The following ATRN variants were observed in gnomAD, a reference collection of about 807,000 sequenced individuals.
ATRN encodes the protein attractin-2.
Under a neutral mutation model 178.7 loss-of-function variants are expected in ATRN, and 54 were observed. That is an observed-to-expected ratio of 0.30 (90% CI 0.24 to 0.38). The LOEUF (loss-of-function observed/expected upper bound fraction) is 0.38, where lower values mean the gene tolerates loss of function less well. ATRN is among the 10% of genes least tolerant of loss of function. ATRN has a pLI of 1.00. For synonymous variants in ATRN, 636 were observed against 663.0 expected, an observed-to-expected ratio of 0.96 and a Z score of 0.63; for missense variants, 1,443 against 1,815.1, an observed-to-expected ratio of 0.79 and a Z score of 3.73.
chr20:3,592,760 C>T (rs189652734), intron 19 of ATRN, among the ~76,000 whole-genome samples: 2 of 152,134 alleles, frequency 1.3e-5, no homozygotes, highest in African/African-American at 4.8e-5. Flanking sequence ...CAGTTTCCTC[C>T]TAATAATAGG....
chr20:3,575,538 A>C (rs186604609), intron 12 of ATRN, among the ~76,000 whole-genome samples: 89 of 152,274 alleles, frequency 5.8e-4, no homozygotes, highest in Admixed American at 1.9e-3. Context: ...TTGGAAAGAA[A>C]AGTATTCAAA....
At chr20:3,603,193 G>A (rs912807285) in intron 23 of ATRN, among the ~76,000 whole-genome samples, 3 of 152,078 alleles carry the variant, frequency 2.0e-5, no homozygotes, top group Non-Finnish European at 2.9e-5. Context: ...AAATACTGTG[G>A]TAGCTGGTGG....
intron 1 of ATRN, among the ~76,000 whole-genome samples, chr20:3,530,430 AT>A (rs947613232): frequency 2.7e-5 from 4 of 146,258 alleles, no homozygotes; most frequent in African/African-American, 1.0e-4. Context: ...TGCCTGGCTA[AT>A]TTTTTTTTCT....
At chr20:3,556,986 G>A (rs1489163320) in intron 6 of ATRN, among the ~76,000 whole-genome samples, 1 of 152,138 alleles carries the variant, frequency 6.6e-6, no homozygotes, top group Non-Finnish European at 1.5e-5. Context: ...TAACAGAAAT[G>A]TGGAGACCTG....
chr20:3,594,805 GT>G (rs1307584820), intron 20 of ATRN, among the ~76,000 whole-genome samples: 1 of 152,146 alleles, frequency 6.6e-6, no homozygotes, highest in African/African-American at 2.4e-5. Context: ...TCACATTTTT[GT>G]TTAAATGATA....
intron 24 of ATRN, among the ~76,000 whole-genome samples, chr20:3,621,413 G>A (rs2595585): frequency 0.16 from 24,872 of 152,062 alleles, 2,511 homozygotes; most frequent in Middle Eastern, 0.3. Context: ...CTGAGCTTCC[G>A]AGTTCAGAGT....
At chr20:3,624,425 T>A in intron 24 of ATRN, 86 bp from the exon 25 acceptor site, 1 of 1,210,120 alleles carries the variant, frequency 8.3e-7, no homozygotes, top group Non-Finnish European at 1.2e-6. Flanking sequence ...TAAGCTCTGT[T>A]TTCAGCTTAA....
At chr20:3,586,144 G>A (rs972280766) in intron 18 of ATRN, among the ~76,000 whole-genome samples, 4 of 152,168 alleles carry the variant, frequency 2.6e-5, no homozygotes, top group Admixed American at 1.3e-4. Context: ...CATGCTCAAA[G>A]CAACATTATT....
At chr20:3,644,359 A>G (rs141825571) in intron 28 of ATRN, 91 bp downstream of exon 28, 1 of 1,122,904 alleles carries the variant, frequency 8.9e-7, no homozygotes. Context: ...ACAAGGTTAT[A>G]AAGGTGATAA....
At chr20:3,639,559 T>C (rs920224341) in intron 27 of ATRN, among the ~76,000 whole-genome samples, 9 of 151,966 alleles carry the variant, frequency 5.9e-5, no homozygotes, top group Non-Finnish European at 1.3e-4. Context: ...AGCCTATTTT[T>C]CTTTATATTT....
rs2087113662 is a variant in ATRN, at chr20:3,647,114, AGT to A, written c.*270_*271del. The stretch of plus-strand genomic sequence containing the variant: ...GAGCTGATGGTTGCTGGAGGAGGCC[AGT>A]GTAGAGCCAGTGAGAGAACTAGGAA... On this transcript the variant is annotated 3_prime_UTR_variant, in exon 29 of 29. Coordinates refer to ENST00000262919, the MANE Select transcript of ATRN (RefSeq NM_139321.3). 3.2e-6 allele frequency: 1 copy of A among 315,846 alleles called. No homozygotes were observed. Among genetic ancestry groups the A allele is most frequent in the African/African-American group, 2.1e-5 (1 of 46,864 alleles). 19.6% of individuals were successfully genotyped at this position (315,846 alleles called of 1,614,324 possible). A position where few individuals can be genotyped will look rare whatever the true frequency, so the allele number is the denominator to read the frequency against.
intron 18 of ATRN, among the ~76,000 whole-genome samples, chr20:3,590,627 A>G (rs1210785501): frequency 6.6e-6 from 1 of 152,250 alleles, no homozygotes; most frequent in African/African-American, 2.4e-5. Context: ...AAATATTAGA[A>G]TATAAGGGAA....
At chr20:3,585,224 G>C (rs1036803675) in intron 18 of ATRN, among the ~76,000 whole-genome samples, 1 of 152,200 alleles carries the variant, frequency 6.6e-6, no homozygotes, top group Non-Finnish European at 1.5e-5. Flanking sequence ...TTCTCTAAGA[G>C]CCTGCCATTG....
chr20:3,585,927 A>G lies in ATRN; in HGVS notation c.3184+1047A>G, dbSNP rs758337356. On this transcript the variant is annotated intron_variant, in intron 18 of 28. Coordinates refer to ENST00000262919, the MANE Select transcript of ATRN (RefSeq NM_139321.3). The stretch of plus-strand genomic sequence containing the variant: ...ACACCCACTGAGATGGCTGTAATCA[A>G]TAAAACAGGTAATAACAAGTATTGG... Among the ~76,000 whole-genome samples the G allele has an allele frequency of 7.9e-5, 12 of 152,244 alleles. No individual in the cohort carries two copies. In the East Asian group the frequency reaches 1.2e-3, roughly 15 times the overall value.
At chr20:3,616,611 C>A (rs935634245) in intron 24 of ATRN, among the ~76,000 whole-genome samples, 1 of 152,042 alleles carries the variant, frequency 6.6e-6, no homozygotes, top group Non-Finnish European at 1.5e-5. Context: ...TGGGGAGGGC[C>A]ATTATGAAGA....
intron 1 of ATRN, among the ~76,000 whole-genome samples, chr20:3,478,820 G>T (rs1568677397): frequency 6.6e-6 from 1 of 151,112 alleles, no homozygotes; most frequent in Non-Finnish European, 1.5e-5. Flanking sequence ...TTCTGTGTTT[G>T]CTAAATTCAG....
rs1555805308 is a variant in ATRN at position 3,471,028 on chromosome 20, C to G, written c.-80C>G. 1 of 1,406,196 alleles carries G rather than the reference C, an allele frequency of 7.1e-7. No homozygotes were observed. The highest frequency in any genetic ancestry group is 3.1e-5 in the East Asian group (1 of 32,674). The allele number at this position is 1,406,196 out of a possible 1,614,324, so 87.1% of individuals were successfully genotyped here. A position where few individuals can be genotyped will look rare whatever the true frequency, so the allele number is the denominator to read the frequency against. ...CGAGCCACCGTCCGCACAGCCCCGCCCCGCACGGCCAGGCGAAGCGGAGCC... is the reference window on the plus strand; with the variant it reads ...CGAGCCACCGTCCGCACAGCCCCGCGCCGCACGGCCAGGCGAAGCGGAGCC... On this transcript the variant is annotated 5_prime_UTR_variant, in exon 1 of 29. Transcript: ENST00000262919.
At position 3,552,263 on chromosome 20, in the gene ATRN, C is replaced by T. The variant is rs541050961; in HGVS notation, c.1112+2925C>T. Among the ~76,000 whole-genome samples, 49 of 152,274 alleles carry T rather than the reference C, an allele frequency of 3.2e-4. No individual in the cohort carries two copies. In the South Asian group the frequency reaches 0.01, roughly 32 times the overall value. On this transcript the variant is annotated intron_variant, in intron 6 of 28. Transcript: ENST00000262919. Reference sequence around the variant, plus strand: ...TGGTGACCTCATATAGTATCTTGGCCTTTATACTTGGTGACTCTCAAATTT... The same window carrying T: ...TGGTGACCTCATATAGTATCTTGGCTTTTATACTTGGTGACTCTCAAATTT...
At chr20:3,478,488 C>T (rs1007788943) in intron 1 of ATRN, among the ~76,000 whole-genome samples, 1 of 152,054 alleles carries the variant, frequency 6.6e-6, no homozygotes, top group Non-Finnish European at 1.5e-5. Context: ...CATGTTCTCA[C>T]TCGTAAGTGG....
Sources: gnomAD v4.1 joint callset for allele counts (sites outside exome capture counted in the v4.1 genomes callset) on GRCh38, gnomAD v4.1.1 for gene constraint, MANE v1.5 for transcripts, NCBI Gene and HGNC (gene_info 2026-07-23, HGNC 2026-07-21) for gene names.